The following NALF1 variants were observed in gnomAD, a reference collection of about 807,000 sequenced individuals.
NALF1 encodes family with sequence similarity 155 member A.
NALF1 carries 3 observed loss-of-function variants against 48.4 expected under a neutral mutation model. The observed-to-expected ratio is 0.06, with a 90% CI of 0.03 to 0.16. The LOEUF is 0.16. NALF1 is among the 10% of genes least tolerant of loss of function. NALF1 has a pLI of 1.00. For missense variants in NALF1, 526 were observed against 571.5 expected (o/e 0.92, Z 0.81); for synonymous variants, 262 against 245.7 (o/e 1.07, Z -0.62).
At chr13:107,334,823 T>C (rs540474185) in intron 1 of NALF1, among the ~76,000 whole-genome samples, 1 of 152,322 alleles carries the variant, frequency 6.6e-6, no homozygotes, top group East Asian at 1.9e-4. Flanking sequence ...CAGTGAAGGA[T>C]TGCTCTCTAA....
intron 1 of NALF1, among the ~76,000 whole-genome samples, chr13:107,347,440 CA>C (rs1882793979): frequency 6.6e-6 from 1 of 152,214 alleles, no homozygotes; most frequent in African/African-American, 2.4e-5. Context: ...CAAACATAAC[CA>C]GCCATGCTTT....
chr13:107,536,992 A>C (rs1876841358), intron 1 of NALF1, among the ~76,000 whole-genome samples: 1 of 152,192 alleles, frequency 6.6e-6, no homozygotes, highest in Non-Finnish European at 1.5e-5. Flanking sequence ...AAAAAACCAA[A>C]CACTGCATGT....
intron 1 of NALF1, among the ~76,000 whole-genome samples, chr13:107,485,605 C>T (rs1469054583): frequency 6.6e-6 from 1 of 152,128 alleles, no homozygotes; most frequent in Non-Finnish European, 1.5e-5. Context: ...AGAGGTCATG[C>T]CTCATTTATT....
chr13:107,495,733 T>C (rs1362981476), intron 1 of NALF1, among the ~76,000 whole-genome samples: 3 of 152,160 alleles, frequency 2.0e-5, no homozygotes, highest in Non-Finnish European at 2.9e-5. Flanking sequence ...ATGGTTATCA[T>C]TGTTGTCAGC....
chr13:107,605,172 T>C (rs887651821), intron 1 of NALF1, among the ~76,000 whole-genome samples: 1 of 152,206 alleles, frequency 6.6e-6, no homozygotes, highest in East Asian at 1.9e-4. Flanking sequence ...TGTCAAGGCA[T>C]GGCTTTCATT....
intron 1 of NALF1, among the ~76,000 whole-genome samples, chr13:107,381,966 T>C (rs987197271): frequency 6.6e-6 from 1 of 152,142 alleles, no homozygotes; most frequent in Admixed American, 6.5e-5. Context: ...CTCACCCTAC[T>C]GCTCAGGGAG....
At chr13:107,742,089 G>A (rs967386479) in intron 1 of NALF1, among the ~76,000 whole-genome samples, 1 of 152,126 alleles carries the variant, frequency 6.6e-6, no homozygotes, top group East Asian at 1.9e-4. Flanking sequence ...GAAACAGCAC[G>A]AGAAGTGGAT....
chr13:107,726,913 T>TTCTG (rs765487919), intron 1 of NALF1, among the ~76,000 whole-genome samples: 7,269 of 126,404 alleles, frequency 0.058, 414 homozygotes, highest in Middle Eastern at 0.079. Flanking sequence ...CGGCAAATTC[T>TTCTG]TGTGTGTGTG....
intron 1 of NALF1, among the ~76,000 whole-genome samples, chr13:107,422,928 G>A (rs1884216369): frequency 6.6e-6 from 1 of 152,122 alleles, no homozygotes; most frequent in Non-Finnish European, 1.5e-5. Flanking sequence ...AAGCTGGGAA[G>A]GCAAGGAAAT....
At chr13:107,423,409 C>T (rs920974818) in intron 1 of NALF1, among the ~76,000 whole-genome samples, 5 of 152,062 alleles carry the variant, frequency 3.3e-5, no homozygotes, top group Admixed American at 6.6e-5. Flanking sequence ...AAGCTTTCGT[C>T]GGTGGAGATG....
intron 1 of NALF1, among the ~76,000 whole-genome samples, chr13:107,847,416 G>GTCA (rs1159566570): frequency 6.6e-6 from 1 of 152,174 alleles, no homozygotes; most frequent in Non-Finnish European, 1.5e-5. Flanking sequence ...ATGGCCTTGT[G>GTCA]TCATCACCTC....
intron 1 of NALF1, among the ~76,000 whole-genome samples, chr13:107,843,245 A>G (rs1166926446): frequency 2.0e-5 from 3 of 152,230 alleles, no homozygotes; most frequent in Non-Finnish European, 4.4e-5. Flanking sequence ...GCCAAGAGGT[A>G]GATGCTATTA....
rs1386945144 is a variant in NALF1, at chr13:107,660,484, C to CACACACAAACAA, written c.915+205197_915+205198insTTGTTTGTGTGT. Among the ~76,000 whole-genome samples the CACACACAAACAA allele has an allele frequency of 1.1e-4, 15 of 139,218 alleles. 1 individual carries two copies. Among genetic ancestry groups the CACACACAAACAA allele is most frequent in the Non-Finnish European group, 2.0e-4 (13 of 63,992 alleles). 91.3% of individuals were successfully genotyped at this position (139,218 alleles called of 152,430 possible). A position where few individuals can be genotyped will look rare whatever the true frequency, so the allele number is the denominator to read the frequency against. ...ACACACACACACACACACACACACACAACAAAGAAACAAAAAAACAAACAA... is the reference window on the plus strand; with the variant it reads ...ACACACACACACACACACACACACACACACACAAACAAAACAAAGAAACAAAAAAACAAACAA... On this transcript the variant is annotated intron_variant, in intron 1 of 2. Transcript: ENST00000375915.
At chr13:107,194,853 A>T (rs557354556) in intron 2 of NALF1, among the ~76,000 whole-genome samples, 21 of 152,318 alleles carry the variant, frequency 1.4e-4, no homozygotes, top group African/African-American at 4.8e-4. Context: ...TCTACAAAGA[A>T]CTCAAATACA....
intron 1 of NALF1, among the ~76,000 whole-genome samples, chr13:107,610,651 T>C (rs757045393): frequency 6.6e-6 from 1 of 152,176 alleles, no homozygotes; most frequent in Non-Finnish European, 1.5e-5. Context: ...ATTATTTGTA[T>C]CATTAAAGTT....
At chr13:107,462,339 GAAAT>G (rs1884933172) in intron 1 of NALF1, among the ~76,000 whole-genome samples, 1 of 152,102 alleles carries the variant, frequency 6.6e-6, no homozygotes, top group South Asian at 2.1e-4. Context: ...CTGAATTAAT[GAAAT>G]AATCTAATTA....
At chr13:107,192,841 A>G (rs1206680906) in intron 2 of NALF1, among the ~76,000 whole-genome samples, 2 of 152,206 alleles carry the variant, frequency 1.3e-5, no homozygotes, top group Non-Finnish European at 2.9e-5. Context: ...TTTGGCAATA[A>G]ATATCAAAAG....
chr13:107,231,848 TGGTC>T (rs971524721), intron 1 of NALF1, among the ~76,000 whole-genome samples: 2 of 152,238 alleles, frequency 1.3e-5, no homozygotes, highest in Non-Finnish European at 2.9e-5. Context: ...AATCTTCTGC[TGGTC>T]GGACGACTGT....
intron 1 of NALF1, among the ~76,000 whole-genome samples, chr13:107,349,739 CAAAAAAAA>C: frequency 1.0e-5 from 1 of 99,208 alleles, no homozygotes; most frequent in African/African-American, 3.6e-5. Flanking sequence ...GAATACGTCT[CAAAAAAAA>C]AAAAAAAAGA....
Sources: allele counts gnomAD v4.1 joint callset (sites outside exome capture counted in the v4.1 genomes callset), GRCh38; gene constraint gnomAD v4.1.1; transcripts MANE v1.5; gene names NCBI Gene and HGNC (gene_info 2026-07-23, HGNC 2026-07-21).